Variants in ZC3H7B observed in about 807,000 individuals in gnomAD.
ZC3H7B encodes zinc finger CCCH domain-containing protein 7B.
A neutral mutation model predicts 116.0 loss-of-function variants in ZC3H7B; 35 were observed. That is an observed-to-expected ratio of 0.30 (90% CI 0.23 to 0.40). The LOEUF (loss-of-function observed/expected upper bound fraction) is 0.40, where lower values mean the gene tolerates loss of function less well. Ranked by LOEUF, ZC3H7B falls within the 10% of genes least tolerant of loss-of-function variation. The pLI, the probability that ZC3H7B is intolerant of heterozygous loss-of-function variation, is 1.00. For synonymous variants in ZC3H7B, 502 were observed against 545.6 expected (o/e 0.92, Z 1.11); for missense variants, 1,011 against 1,321.5 (o/e 0.77, Z 3.64).
intron 1 of ZC3H7B, among the ~76,000 whole-genome samples, chr22:41,319,314 T>A (rs2036224106): frequency 6.6e-6 from 1 of 152,026 alleles, no homozygotes; most frequent in South Asian, 2.1e-4. Context: ...GGCAGAAGAA[T>A]CGCTTGAACC....
intron 2 of ZC3H7B, among the ~76,000 whole-genome samples, chr22:41,321,523 A>C (rs866494809): frequency 2.0e-5 from 3 of 149,166 alleles, no homozygotes; most frequent in Middle Eastern, 7.2e-3. Context: ...CCATTTAAAA[A>C]ATTTTTTTGT....
At chr22:41,305,741 T>A (rs934588856) in intron 1 of ZC3H7B, among the ~76,000 whole-genome samples, 3 of 152,128 alleles carry the variant, frequency 2.0e-5, no homozygotes, top group African/African-American at 7.2e-5. Flanking sequence ...GTTTGGTTCC[T>A]TAGTGCCTGC....
chr22:41,320,592 G>C, intron 1 of ZC3H7B, 63 bp from the exon 2 acceptor site: 1 of 1,589,872 alleles, frequency 6.3e-7, no homozygotes, highest in East Asian at 2.2e-5. Flanking sequence ...CCCACGAAGT[G>C]GTGGTGGCTG....
chr22:41,307,812 AC>A (rs1249194523), intron 1 of ZC3H7B, among the ~76,000 whole-genome samples: 1 of 152,202 alleles, frequency 6.6e-6, no homozygotes, highest in Non-Finnish European at 1.5e-5. Context: ...TTCTGAGATC[AC>A]ACAGCTGAGG....
rs551578170 is a variant in ZC3H7B, at chr22:41,325,335, C to G, written c.54-229C>G. On this transcript the variant is annotated intron_variant, in intron 2 of 22. Coordinates refer to ENST00000352645, the MANE Select transcript of ZC3H7B (RefSeq NM_017590.6). ...GGGCTGGGGTCAGTCTGCTCTTTCT[C>G]AACACCTGTACCTGGCAAAACCTGG... Among the ~76,000 whole-genome samples the G allele has an allele frequency of 1.5e-4, 23 of 152,116 alleles. No individual in the cohort carries two copies. In the East Asian group the frequency reaches 4.5e-3, roughly 29 times the overall value.
At position 41,359,275 on chromosome 22, in the gene ZC3H7B, C is replaced by T. The variant is rs748232001; in HGVS notation, c.*1846C>T. On this transcript the variant is annotated 3_prime_UTR_variant, in exon 23 of 23. Coordinates refer to ENST00000352645, the MANE Select transcript of ZC3H7B (RefSeq NM_017590.6). Reference sequence around the variant, plus strand: ...TTCTAGTGTGTATATATGTCGCCCCCGTGATGCATATATACACAGGTATTA... The same window carrying T: ...TTCTAGTGTGTATATATGTCGCCCCTGTGATGCATATATACACAGGTATTA... 3.3e-5 allele frequency: 5 copies of T among 152,530 alleles called. No homozygotes were observed. Among genetic ancestry groups the T allele is most frequent in the Non-Finnish European group, 5.9e-5 (4 of 68,070 alleles). The allele number at this position is 152,530 out of a possible 1,614,324, so 9.4% of individuals were successfully genotyped here.
chr22:41,305,397 C>T (rs1394575956), intron 1 of ZC3H7B, among the ~76,000 whole-genome samples: 1 of 150,398 alleles, frequency 6.6e-6, no homozygotes, highest in Non-Finnish European at 1.5e-5. Context: ...GTAATCCTAG[C>T]TACTCAGGAG....
At chr22:41,324,801 G>A (rs1056034609) in intron 2 of ZC3H7B, among the ~76,000 whole-genome samples, 5 of 152,200 alleles carry the variant, frequency 3.3e-5, no homozygotes, top group East Asian at 1.9e-4. Context: ...CTGTGGACCT[G>A]TGGTCTCGGA....
In ZC3H7B at chr22:41,310,286, T is replaced by A. The variant is rs150344550; in HGVS notation, c.-7+8514T>A. Among the ~76,000 whole-genome samples the A allele has an allele frequency of 5.9e-5, 9 of 152,276 alleles. No individual in the cohort carries two copies. The East Asian group carries it at 1.5e-3, about 26-fold the overall frequency. ...TACAGCACCCAGTTTAGCAGAAACA[T>A]GAATTTCTGACCCCTTCAGGGGGAG... On this transcript the variant is annotated intron_variant, in intron 1 of 22. Transcript: ENST00000352645.
In ZC3H7B at chr22:41,355,490, C is replaced by T. The variant is rs745764011; in HGVS notation, c.2056C>T (p.Pro686Ser). The T allele has an allele frequency of 1.2e-6, 2 of 1,614,108 alleles. No individual in the cohort carries two copies. Among genetic ancestry groups the T allele is most frequent in the Non-Finnish European group, 8.5e-7 (1 of 1,180,012 alleles). Residue 686 changes from proline (P) to serine (S), a missense_variant, in exon 18 of 23, where the codon CCC becomes TCC. This residue lies in a region of ZC3H7B where 406 missense variants were observed against 590.2 expected (regional missense o/e 0.69). Coordinates refer to ENST00000352645, the MANE Select transcript of ZC3H7B (RefSeq NM_017590.6). ...ACAGGGTGCTCCGAGGACACATGGG[C>T]CCAGCACCTTTGACCTGCAGATGAA... is the stretch of plus-strand genomic sequence containing the variant. ...SSMGAPRTHGPSTFDLQMKFV... is the reference protein window; with the variant it reads ...SSMGAPRTHGSSTFDLQMKFV...
chr22:41,319,267 G>A (rs1161498936), intron 1 of ZC3H7B, among the ~76,000 whole-genome samples: 2 of 152,184 alleles, frequency 1.3e-5, no homozygotes, highest in Non-Finnish European at 2.9e-5. Context: ...TAGGCATGGT[G>A]GCACGTGCCT....
chr22:41,356,903 G>A, intron 22 of ZC3H7B, 95 bp downstream of exon 22: 3 of 1,557,828 alleles, frequency 1.9e-6, no homozygotes, highest in Non-Finnish European at 2.6e-6. Flanking sequence ...TGGAGGTGGT[G>A]TGCAGGGAGT....
At chr22:41,345,859 CT>C in intron 13 of ZC3H7B, 143 bp from the exon 14 acceptor site, 2 of 811,600 alleles carry the variant, frequency 2.5e-6, no homozygotes, top group Non-Finnish European at 4.1e-6. Context: ...GCAGCAGCCC[CT>C]GGCTCACCTA....
chr22:41,352,468 A>T (rs886672010), intron 17 of ZC3H7B, among the ~76,000 whole-genome samples: 1 of 152,216 alleles, frequency 6.6e-6, no homozygotes, highest in Non-Finnish European at 1.5e-5. Flanking sequence ...TAATTAATAA[A>T]GGTCTTCAGA....
At chr22:41,345,841 C>G (rs1301597422) in intron 13 of ZC3H7B, among the ~76,000 whole-genome samples, 162 bp from the exon 14 acceptor site, 1 of 152,132 alleles carries the variant, frequency 6.6e-6, no homozygotes, top group Non-Finnish European at 1.5e-5. Flanking sequence ...CAAGTCCTGG[C>G]AGGGGGTGCA....
At chr22:41,314,979 A>T (rs554568353) in intron 1 of ZC3H7B, among the ~76,000 whole-genome samples, 12 of 114,878 alleles carry the variant, frequency 1.0e-4, no homozygotes, top group South Asian at 2.6e-4. Flanking sequence ...ATAAAAATTT[A>T]AAAAATCTGA....
Position 41,346,356 on chromosome 22 carries a change from C to T in ZC3H7B, c.1665+148C>T, listed in dbSNP as rs2036585160. ...TTAGAACCAGTAGGTCCTGGAGGGT[C>T]AGTAAGTCTGGGCCCTAGGATCCTA... is the stretch of plus-strand genomic sequence containing the variant. On this transcript the variant is annotated intron_variant, in intron 14 of 22. Transcript: ENST00000352645. The surrounding 1 kb of genome is among the most constrained non-coding windows in gnomAD (Gnocchi z 5.3). 10 of 827,842 alleles carry T rather than the reference C, an allele frequency of 1.2e-5. No homozygotes were observed. In the East Asian group the frequency reaches 2.7e-4, roughly 22 times the overall value. 51.3% of individuals were successfully genotyped at this position (827,842 alleles called of 1,614,324 possible).
chr22:41,327,323 G>T lies in ZC3H7B; in HGVS notation c.403G>T (p.Ala135Ser). ...ALNELGRHKE[A>S]YECSSRCSLA... ...CAATGAACTGGGACGCCACAAGGAG[G>T]CCTACGAGTGCAGCAGCCGGTGTTC... Residue 135 changes from alanine (A) to serine (S), a missense_variant, in exon 5 of 23, where the codon GCC (alanine) becomes TCC (serine). Around this residue, in one of 5 missense-constraint regions of ZC3H7B, gnomAD observed 322 missense variants for 443.9 expected, o/e 0.73. Coordinates refer to ENST00000352645, the MANE Select transcript of ZC3H7B (RefSeq NM_017590.6). This position sits in a 1 kb window ranked among gnomAD's most constrained non-coding sequence, Gnocchi z 4.5. The T allele has an allele frequency of 6.2e-7, 1 of 1,613,368 alleles. No homozygotes were observed. The highest frequency in any genetic ancestry group is 8.5e-7 in the Non-Finnish European group (1 of 1,180,034).
chr22:41,313,742 T>C lies in ZC3H7B; in HGVS notation c.-6-6913T>C, dbSNP rs1032505076. Among the ~76,000 whole-genome samples the C allele has an allele frequency of 7.2e-5, 11 of 152,074 alleles. No homozygotes were observed. The East Asian group carries it at 2.1e-3, about 29-fold the overall frequency. ...AAAATTGGCATCTTGTGTTTTTTTG[T>C]GTTTTTGATTTTGTTTTTGAGACAG... On this transcript the variant is annotated intron_variant, in intron 1 of 22. Transcript: ENST00000352645.
Sources: allele counts gnomAD v4.1 joint callset (sites outside exome capture counted in the v4.1 genomes callset), GRCh38; gene constraint gnomAD v4.1.1; regional missense constraint gnomAD v4.1.1; non-coding constraint Gnocchi (gnomAD v3.1); transcripts MANE v1.5; gene names NCBI Gene and HGNC (gene_info 2026-07-23, HGNC 2026-07-21).